The following TMEM26 variants were observed in gnomAD, a reference collection of about 807,000 sequenced individuals.
TMEM26 encodes the protein transmembrane protein 26.
Under a neutral mutation model 28.8 loss-of-function variants are expected in TMEM26, and 38 were observed. The ratio of observed to expected loss-of-function variants is 1.32; its 90% confidence interval spans 1.02 to 1.73. The LOEUF (loss-of-function observed/expected upper bound fraction) is 1.73. TMEM26 is among the 40% of genes most tolerant of loss of function. TMEM26 has a pLI of 0.00. For synonymous variants in TMEM26, 227 were observed against 182.9 expected (o/e 1.24, Z -1.95); for missense variants, 518 against 447.1 (o/e 1.16, Z -1.43).
chr10:61,438,703 A>C (rs1564481437), intron 1 of TMEM26, among the ~76,000 whole-genome samples: 1 of 152,208 alleles, frequency 6.6e-6, no homozygotes, highest in Non-Finnish European at 1.5e-5. Context: ...ACAAACTTCA[A>C]GATTCAAGAT....
At chr10:61,426,099 G>A (rs1362216393) in intron 4 of TMEM26, among the ~76,000 whole-genome samples, 2 of 152,026 alleles carry the variant, frequency 1.3e-5, no homozygotes, top group African/African-American at 2.4e-5. Context: ...TGGAACACTA[G>A]CAACTAAAGA....
chr10:61,409,673 G>C lies in TMEM26; in HGVS notation c.*649C>G, dbSNP rs185406066. 20 of 152,324 alleles carry C rather than the reference G, an allele frequency of 1.3e-4. No individual in the cohort carries two copies. The East Asian group carries it at 3.9e-3, about 29-fold the overall frequency. 9.4% of individuals were successfully genotyped at this position (152,324 alleles called of 1,614,324 possible). A position where few individuals can be genotyped will look rare whatever the true frequency, so the allele number is the denominator to read the frequency against. ...AAAATGGCTTGCTGTGAATTTTGTA[G>C]CACCCAAGACAAAAGCAATAAAATT... is the stretch of plus-strand genomic sequence containing the variant. On this transcript the variant is annotated 3_prime_UTR_variant, in exon 6 of 6. Transcript: ENST00000399298.
intron 2 of TMEM26, among the ~76,000 whole-genome samples, chr10:61,433,195 T>C (rs1260801889): frequency 2.0e-5 from 3 of 152,168 alleles, no homozygotes; most frequent in Non-Finnish European, 2.9e-5. Flanking sequence ...GTCCATATTA[T>C]GGTATTAAGA....
At position 61,452,877 on chromosome 10, in the gene TMEM26, C is replaced by G; in HGVS notation, c.191+14G>C. On this transcript the variant is annotated intron_variant, in intron 1 of 5. Transcript: ENST00000399298. ...AGGGCCCCGTGCGCCCTCGCTTTCCCGGGGCACTCTCACCATTTGTAGCCT... is the reference window on the plus strand; with the variant it reads ...AGGGCCCCGTGCGCCCTCGCTTTCCGGGGGCACTCTCACCATTTGTAGCCT... 1 of 1,605,144 alleles carries G rather than the reference C, an allele frequency of 6.2e-7. No homozygotes were observed. The highest frequency in any genetic ancestry group is 8.5e-7 in the Non-Finnish European group (1 of 1,172,574).
At chr10:61,445,112 T>C (rs1386048579) in intron 1 of TMEM26, among the ~76,000 whole-genome samples, 3 of 152,202 alleles carry the variant, frequency 2.0e-5, no homozygotes, top group African/African-American at 2.4e-5. Context: ...AAGGATTACA[T>C]GAGATAAGGG....
intron 4 of TMEM26, chr10:61,415,180 G>A (rs1052677013): frequency 1.0e-6 from 1 of 984,594 alleles, no homozygotes; most frequent in East Asian, 1.1e-4. Context: ...GAATTGGATA[G>A]AAGAAAGAGC....
At chr10:61,429,364 G>T (rs1839885195) in intron 3 of TMEM26, among the ~76,000 whole-genome samples, 1 of 151,986 alleles carries the variant, frequency 6.6e-6, no homozygotes, top group Non-Finnish European at 1.5e-5. Flanking sequence ...CCTATAACTA[G>T]CAAGTAATTT....
chr10:61,412,923 C>T lies in TMEM26; in HGVS notation c.682+536G>A, dbSNP rs755355786. On this transcript the variant is annotated intron_variant, in intron 5 of 5. Coordinates refer to ENST00000399298, the MANE Select transcript of TMEM26 (RefSeq NM_178505.8). Reference sequence around the variant, plus strand: ...GGTTTATGTTTTTATTAAAGTAAGACCAGTAGGATTCCAAGGACCTCCAAT... The same window carrying T: ...GGTTTATGTTTTTATTAAAGTAAGATCAGTAGGATTCCAAGGACCTCCAAT... The T allele has an allele frequency of 2.3e-5, 30 of 1,298,738 alleles. No individual in the cohort carries two copies. The South Asian group carries it at 3.2e-4, about 14-fold the overall frequency. 80.5% of individuals were successfully genotyped at this position (1,298,738 alleles called of 1,614,324 possible).
At chr10:61,427,505 C>A (rs575208629) in intron 4 of TMEM26, among the ~76,000 whole-genome samples, 1 of 151,974 alleles carries the variant, frequency 6.6e-6, no homozygotes, top group East Asian at 1.9e-4. Context: ...TTTTGCTGGG[C>A]AATTCTACTT....
In TMEM26 at chr10:61,452,875, C is replaced by G. The variant is rs755445672; in HGVS notation, c.191+16G>C. 1 of 1,604,698 alleles carries G rather than the reference C, an allele frequency of 6.2e-7. No individual in the cohort carries two copies. Among genetic ancestry groups the G allele is most frequent in the South Asian group, 1.1e-5 (1 of 90,928 alleles). On this transcript the variant is annotated intron_variant, in intron 1 of 5. Coordinates refer to ENST00000399298, the MANE Select transcript of TMEM26 (RefSeq NM_178505.8). ...CTAGGGCCCCGTGCGCCCTCGCTTT[C>G]CCGGGGCACTCTCACCATTTGTAGC...
chr10:61,444,532 G>A (rs964340542), intron 1 of TMEM26, among the ~76,000 whole-genome samples: 5 of 151,578 alleles, frequency 3.3e-5, no homozygotes, highest in Non-Finnish European at 7.4e-5. Flanking sequence ...ATGTTTGCTT[G>A]TGCAAGAGTG....
chr10:61,426,849 A>C (rs1056316635), intron 4 of TMEM26, among the ~76,000 whole-genome samples: 4 of 152,080 alleles, frequency 2.6e-5, no homozygotes, highest in Admixed American at 2.6e-4. Context: ...CTTTGAAAAA[A>C]TAGATATTTG....
At chr10:61,413,842 G>A in intron 4 of TMEM26, 1 of 1,022,362 alleles carries the variant, frequency 9.8e-7, no homozygotes, top group Admixed American at 5.5e-5. Flanking sequence ...TGATAGGGGA[G>A]AAAATATAGA....
At chr10:61,433,124 T>C (rs1429151472) in intron 2 of TMEM26, among the ~76,000 whole-genome samples, 1 of 152,182 alleles carries the variant, frequency 6.6e-6, no homozygotes, top group African/African-American at 2.4e-5. Flanking sequence ...ATCTTGTTAT[T>C]TAAGAAAATA....
chr10:61,430,432 A>G (rs183230183), intron 3 of TMEM26, among the ~76,000 whole-genome samples: 1 of 152,128 alleles, frequency 6.6e-6, no homozygotes, highest in Admixed American at 6.6e-5. Context: ...CATCTACAAA[A>G]TACATATGGT....
chr10:61,414,212 C>T, intron 4 of TMEM26: 1 of 283,434 alleles, frequency 3.5e-6, no homozygotes, highest in Non-Finnish European at 5.3e-6. Flanking sequence ...ATACAAATGT[C>T]CTAGACCTAG....
At chr10:61,413,663 T>G in intron 4 of TMEM26, 128 bp from the exon 5 acceptor site, 1 of 1,329,082 alleles carries the variant, frequency 7.5e-7, no homozygotes, top group Non-Finnish European at 9.6e-7. Context: ...GGTGATTTAA[T>G]AAATCAATGA....
chr10:61,446,517 G>A (rs1163385602), intron 1 of TMEM26, among the ~76,000 whole-genome samples: 1 of 152,038 alleles, frequency 6.6e-6, no homozygotes, highest in Non-Finnish European at 1.5e-5. Context: ...ATAGTATTAT[G>A]TCTTAAAAAA....
At chr10:61,418,505 A>T (rs1415623611) in intron 4 of TMEM26, among the ~76,000 whole-genome samples, 1 of 152,038 alleles carries the variant, frequency 6.6e-6, no homozygotes, top group African/African-American at 2.4e-5. Context: ...TGAAAAGATA[A>T]ATTAGGGACC....
Sources: allele counts gnomAD v4.1 joint callset (sites outside exome capture counted in the v4.1 genomes callset), GRCh38; gene constraint gnomAD v4.1.1; transcripts MANE v1.5; gene names NCBI Gene and HGNC (gene_info 2026-07-23, HGNC 2026-07-21).